Variants in BDH1 observed in about 807,000 individuals in gnomAD.
BDH1 encodes the protein 3-hydroxybutyrate dehydrogenase 1.
Under a neutral mutation model 33.1 loss-of-function variants are expected in BDH1, and 30 were observed. That is an observed-to-expected ratio of 0.91 (90% CI 0.68 to 1.23). The LOEUF (loss-of-function observed/expected upper bound fraction) is 1.23, where lower values mean the gene tolerates loss of function less well. BDH1 is among the 50% of genes most tolerant of loss of function. BDH1 has a pLI of 0.00. For synonymous variants in BDH1, 190 were observed against 183.6 expected (o/e 1.03, Z -0.28); for missense variants, 443 against 464.4 (o/e 0.95, Z 0.42).
intron 1 of BDH1, among the ~76,000 whole-genome samples, chr3:197,567,596 C>T (rs1014713285): frequency 1.3e-5 from 2 of 152,196 alleles, no homozygotes; most frequent in African/African-American, 2.4e-5. Context: ...AAGCTGTGCT[C>T]TGACCACCTT....
chr3:197,509,920 C>G lies in BDH1; in HGVS notation c.*1975G>C, dbSNP rs1711731369. 2 of 152,262 alleles carry G rather than the reference C, an allele frequency of 1.3e-5. No individual in the cohort carries two copies. Among genetic ancestry groups the G allele is most frequent in the African/African-American group, 4.8e-5 (2 of 41,462 alleles). The allele number at this position is 152,262 out of a possible 1,614,324, so 9.4% of individuals were successfully genotyped here. On this transcript the variant is annotated 3_prime_UTR_variant, in exon 8 of 8. Transcript: ENST00000392379. Reference sequence around the variant, plus strand: ...TATGGTTATGTAACTGCAGCGGCCACCAAGCGTCCCCCTCTGGGCTCTGGA... The same window carrying G: ...TATGGTTATGTAACTGCAGCGGCCAGCAAGCGTCCCCCTCTGGGCTCTGGA...
chr3:197,569,635 A>C (rs1166451122), intron 1 of BDH1, among the ~76,000 whole-genome samples: 1 of 152,096 alleles, frequency 6.6e-6, no homozygotes, highest in East Asian at 1.9e-4. Flanking sequence ...ATAAAAACTG[A>C]TGGTTTTACA....
At position 197,525,963 on chromosome 3, in the gene BDH1, G is replaced by A. The variant is rs7642375; in HGVS notation, c.268-3182C>T. 0.24 allele frequency among the ~76,000 whole-genome samples: 35,796 copies of A among 152,172 alleles called. 4,836 individuals are homozygous for A. Among genetic ancestry groups the A allele is most frequent in the African/African-American group, 0.37 (15,515 of 41,506 alleles). On this transcript the variant is annotated intron_variant, in intron 5 of 7. Coordinates refer to ENST00000392379, the MANE Select transcript of BDH1 (RefSeq NM_203314.3). The surrounding 1 kb of genome is among the most constrained non-coding windows in gnomAD (Gnocchi z 4.9). ...GTCCACCTCTGTCTGGCTGCTCAGG[G>A]ACAAGCTTTTAGTTCCGCTGTGTTG...
chr3:197,546,328 C>T lies in BDH1; in HGVS notation c.83+33G>A, dbSNP rs551309271. 3.6e-4 allele frequency: 572 copies of T among 1,608,744 alleles called. 11 individuals are homozygous for T. The South Asian group carries it at 6.0e-3, about 17-fold the overall frequency. On this transcript the variant is annotated intron_variant, in intron 3 of 7. Coordinates refer to ENST00000392379, the MANE Select transcript of BDH1 (RefSeq NM_203314.3). ...AACCTCTGCCTGCTCAGAAAGTGTCCCCTCAAGGCCACCACCACCTCTGGT... is the reference window on the plus strand; with the variant it reads ...AACCTCTGCCTGCTCAGAAAGTGTCTCCTCAAGGCCACCACCACCTCTGGT...
chr3:197,539,080 T>G (rs961575011), intron 3 of BDH1: 3 of 152,250 alleles, frequency 2.0e-5, no homozygotes, highest in African/African-American at 7.2e-5. Flanking sequence ...TTCCTGGCTG[T>G]GGGCTGAGCT....
In BDH1 at chr3:197,555,896, C is replaced by G. The variant is rs558509591; in HGVS notation, c.-311G>C. On this transcript the variant is annotated 5_prime_UTR_variant, in exon 1 of 8. Transcript: ENST00000392379. ...GGGGAGAGCCGAGGGGGGGCGCTGC[C>G]GCAGGGTCTTTCTGGAAGCCCCTCC... is the stretch of plus-strand genomic sequence containing the variant. 1 of 152,390 alleles carries G rather than the reference C, an allele frequency of 6.6e-6. No individual in the cohort carries two copies. The highest frequency in any genetic ancestry group is 1.9e-4 in the East Asian group (1 of 5,168). The allele number at this position is 152,390 out of a possible 1,614,324, so 9.4% of individuals were successfully genotyped here. A position where few individuals can be genotyped will look rare whatever the true frequency, so the allele number is the denominator to read the frequency against.
intron 3 of BDH1, chr3:197,538,205 T>C (rs1715313238): frequency 2.3e-6 from 1 of 443,428 alleles, no homozygotes; most frequent in African/African-American, 2.0e-5. Context: ...GCGGAGGTCC[T>C]GTTAGTTTTT....
intron 3 of BDH1, among the ~76,000 whole-genome samples, chr3:197,537,554 T>C (rs1715263613): frequency 6.6e-6 from 1 of 152,334 alleles, no homozygotes; most frequent in South Asian, 2.1e-4. Context: ...TACAGCACTA[T>C]GTTGGATAAG....
rs1163284944 is a variant in BDH1 at position 197,520,763 on chromosome 3, C to G, written c.409+1877G>C. Among the ~76,000 whole-genome samples the G allele has an allele frequency of 6.6e-6, 1 of 152,134 alleles. No homozygotes were observed. Among genetic ancestry groups the G allele is most frequent in the South Asian group, 2.1e-4 (1 of 4,832 alleles). On this transcript the variant is annotated intron_variant, in intron 6 of 7. Coordinates refer to ENST00000392379, the MANE Select transcript of BDH1 (RefSeq NM_203314.3). The surrounding 1 kb of genome is among the most constrained non-coding windows in gnomAD (Gnocchi z 6.0). ...GAAGGTGGGAGGGAGGAGAATTTAC[C>G]GCCAGGGAAGGGCGAAGCAGGCTGC...
chr3:197,546,695 G>A (rs1716108264), intron 2 of BDH1, among the ~76,000 whole-genome samples: 1 of 152,180 alleles, frequency 6.6e-6, no homozygotes, highest in Non-Finnish European at 1.5e-5. Context: ...GTGCCTGGAA[G>A]CCTGGGTTCT....
In BDH1 at chr3:197,520,750, G is replaced by T. The variant is rs1053527945; in HGVS notation, c.409+1890C>A. 2.6e-5 allele frequency among the ~76,000 whole-genome samples: 4 copies of T among 152,212 alleles called. No homozygotes were observed. The East Asian group carries it at 7.7e-4, about 29-fold the overall frequency. On this transcript the variant is annotated intron_variant, in intron 6 of 7. Coordinates refer to ENST00000392379, the MANE Select transcript of BDH1 (RefSeq NM_203314.3). This position sits in a 1 kb window ranked among gnomAD's most constrained non-coding sequence, Gnocchi z 6.0. ...GCAGCTGCCCAGGGAAGGTGGGAGGGAGGAGAATTTACCGCCAGGGAAGGG... is the reference window on the plus strand; with the variant it reads ...GCAGCTGCCCAGGGAAGGTGGGAGGTAGGAGAATTTACCGCCAGGGAAGGG...
chr3:197,564,190 T>C (rs973986640), intron 1 of BDH1, among the ~76,000 whole-genome samples: 1 of 151,206 alleles, frequency 6.6e-6, no homozygotes, highest in South Asian at 2.1e-4. Flanking sequence ...TAAGAAAGAA[T>C]CTTGTATGGT....
intron 5 of BDH1, among the ~76,000 whole-genome samples, chr3:197,527,631 T>TC (rs1321097007): frequency 6.6e-6 from 1 of 151,970 alleles, no homozygotes; most frequent in Non-Finnish European, 1.5e-5. Flanking sequence ...TTCACTCTAC[T>TC]CCCCCCTCAT....
In BDH1 at chr3:197,546,438, C is replaced by T; in HGVS notation, c.6G>A (p.Leu2=). 1 of 1,614,064 alleles carries T rather than the reference C, an allele frequency of 6.2e-7. No individual in the cohort carries two copies. Among genetic ancestry groups the T allele is most frequent in the Non-Finnish European group, 8.5e-7 (1 of 1,179,976 alleles). The change falls in exon 3 of 8, where the codon CTG becomes CTA. Residue 2 remains leucine, a synonymous_variant. Transcript: ENST00000392379. The part of the protein sequence containing the change: M[L]ATRLSRPLSR... ...ACAGGGGTCTGGAGAGGCGGGTGGC[C>T]AGCATGGTAGCAACGGGTGTTAGAA... is the stretch of plus-strand genomic sequence containing the variant.
rs1463257210 is a variant in BDH1 at position 197,555,923 on chromosome 3, C to T, written c.-338G>A. On this transcript the variant is annotated 5_prime_UTR_variant, in exon 1 of 8. The change creates a new upstream start codon in the 5' untranslated region. Transcript: ENST00000392379. ...CAGGGTCTTTCTGGAAGCCCCTCCA[C>T]CAGCACTCCTGCGGCCTGCGGCCTC... 6.6e-6 allele frequency: 1 copy of T among 152,298 alleles called. No individual in the cohort carries two copies. Among genetic ancestry groups the T allele is most frequent in the Non-Finnish European group, 1.5e-5 (1 of 68,084 alleles). 9.4% of individuals were successfully genotyped at this position (152,298 alleles called of 1,614,324 possible). A position where few individuals can be genotyped will look rare whatever the true frequency, so the allele number is the denominator to read the frequency against.
intron 1 of BDH1, among the ~76,000 whole-genome samples, chr3:197,563,749 C>T (rs1028587962): frequency 6.6e-6 from 1 of 152,094 alleles, no homozygotes; most frequent in South Asian, 2.1e-4. Context: ...TAATTCAAAG[C>T]TTATTTAAAG....
chr3:197,546,293 C>G, intron 3 of BDH1, 68 bp downstream of exon 3: 1 of 1,475,858 alleles, frequency 6.8e-7, no homozygotes, highest in Non-Finnish European at 9.5e-7. Flanking sequence ...CTACACTGTC[C>G]ATGTGTGAAA....
At chr3:197,571,118 T>C (rs1240237493) in intron 1 of BDH1, among the ~76,000 whole-genome samples, 2 of 152,246 alleles carry the variant, frequency 1.3e-5, no homozygotes, top group East Asian at 3.8e-4. Context: ...TTTTGGACTT[T>C]CATGGAACCT....
At chr3:197,530,393 T>A (rs1318050607) in intron 5 of BDH1, 1 of 152,068 alleles carries the variant, frequency 6.6e-6, no homozygotes, top group Non-Finnish European at 1.5e-5. Flanking sequence ...CTGACCAACA[T>A]GGTGAAGCCC....
Sources: allele counts gnomAD v4.1 joint callset (sites outside exome capture counted in the v4.1 genomes callset), GRCh38; gene constraint gnomAD v4.1.1; non-coding constraint Gnocchi (gnomAD v3.1); transcripts MANE v1.5; gene names NCBI Gene and HGNC (gene_info 2026-07-23, HGNC 2026-07-21).